The following TENM4 variants were observed in gnomAD, a reference collection of about 807,000 sequenced individuals.
The protein encoded by TENM4 is teneurin transmembrane protein 4, also known as teneurin-4.
TENM4 carries 82 observed loss-of-function variants against 243.3 expected under a neutral mutation model. The ratio of observed to expected loss-of-function variants is 0.34; its 90% CI spans 0.28 to 0.40. TENM4 has a LOEUF of 0.40. Among genes scored for constraint, TENM4 ranks in the 10% least tolerant of loss-of-function variants. TENM4 has a pLI of 1.00. For missense variants in TENM4, 3,138 were observed against 3,673.3 expected (o/e 0.85, Z 3.77); for synonymous variants, 1,412 against 1,456.3 (o/e 0.97, Z 0.69).
chr11:78,752,234 C>A (rs1856206489), intron 19 of TENM4, among the ~76,000 whole-genome samples: 1 of 152,206 alleles, frequency 6.6e-6, no homozygotes, highest in Non-Finnish European at 1.5e-5. Flanking sequence ...AGAGAGGGCC[C>A]CTCAGGGAGG....
chr11:79,220,228 C>T (rs113768442), intron 2 of TENM4, among the ~76,000 whole-genome samples: 5 of 152,308 alleles, frequency 3.3e-5, no homozygotes, highest in African/African-American at 7.2e-5. Context: ...TCCATCAAGA[C>T]GCCTGCTATT....
intron 2 of TENM4, among the ~76,000 whole-genome samples, chr11:79,248,203 C>A (rs1276172526): frequency 6.6e-6 from 1 of 152,158 alleles, no homozygotes; most frequent in Non-Finnish European, 1.5e-5. Context: ...GAGATACCTG[C>A]GCAAAGCTCC....
intron 2 of TENM4, among the ~76,000 whole-genome samples, chr11:79,230,910 C>A (rs1485582334): frequency 6.6e-6 from 1 of 152,158 alleles, no homozygotes; most frequent in African/African-American, 2.4e-5. Flanking sequence ...TTCTGGCTGC[C>A]TAACAAGAGC....
intron 14 of TENM4, among the ~76,000 whole-genome samples, chr11:78,808,714 G>A (rs1857438607): frequency 1.3e-5 from 2 of 152,184 alleles, no homozygotes. Flanking sequence ...GAGCAATGTG[G>A]AGGATTAATG....
intron 24 of TENM4, among the ~76,000 whole-genome samples, chr11:78,721,620 A>G (rs1859654965): frequency 6.6e-6 from 1 of 152,164 alleles, no homozygotes; most frequent in Non-Finnish European, 1.5e-5. Flanking sequence ...TTCATTTACC[A>G]AAGGGGAATA....
chr11:78,949,373 G>A (rs2136485078), intron 6 of TENM4, among the ~76,000 whole-genome samples: 1 of 152,316 alleles, frequency 6.6e-6, no homozygotes, highest in Admixed American at 6.5e-5. Flanking sequence ...AGAAATCTTT[G>A]TGTAATGAAT....
Position 78,729,521 on chromosome 11 carries a change from G to A in TENM4, c.3261C>T (p.Asn1087=). Reference sequence around the variant, plus strand: ...CTACCATGAGGTGCACCTTCATGAGGTTGAAGGGGATGGTCGGGTGGGTGA... The same window carrying A: ...CTACCATGAGGTGCACCTTCATGAGATTGAAGGGGATGGTCGGGTGGGTGA... The part of the protein sequence containing the change: ...ISLTHPTIPF[N]LMKVHLMVAV... Residue 1087 remains asparagine (N), a synonymous_variant, in exon 22 of 34, where the codon AAC becomes AAT. Coordinates refer to ENST00000278550, the MANE Select transcript of TENM4 (RefSeq NM_001098816.3). The A allele has an allele frequency of 1.2e-6, 2 of 1,613,998 alleles. No homozygotes were observed. The highest frequency in any genetic ancestry group is 2.2e-5 in the South Asian group (2 of 91,076).
chr11:78,952,334 G>A (rs1591157867), intron 6 of TENM4, among the ~76,000 whole-genome samples: 1 of 152,234 alleles, frequency 6.6e-6, no homozygotes, highest in South Asian at 2.1e-4. Context: ...CTCGAGGAAG[G>A]ATAGGGCTCT....
chr11:78,852,064 C>G (rs929181121), intron 12 of TENM4, among the ~76,000 whole-genome samples: 1 of 152,210 alleles, frequency 6.6e-6, no homozygotes, highest in Admixed American at 6.5e-5. Context: ...ATTCACTGCA[C>G]GACACTGCAC....
At chr11:79,232,727 G>A (rs573163828) in intron 2 of TENM4, among the ~76,000 whole-genome samples, 1 of 152,314 alleles carries the variant, frequency 6.6e-6, no homozygotes, top group South Asian at 2.1e-4. Flanking sequence ...AACTCTTGTG[G>A]GTGAGCAGTG....
chr11:79,342,247 A>G (rs985775393), intron 1 of TENM4, among the ~76,000 whole-genome samples: 2 of 152,210 alleles, frequency 1.3e-5, no homozygotes, highest in Non-Finnish European at 2.9e-5. Context: ...AGGAGAGTTG[A>G]CCAGAGAAGC....
intron 2 of TENM4, among the ~76,000 whole-genome samples, chr11:79,233,648 G>A (rs538172752): frequency 1.3e-5 from 2 of 152,240 alleles, no homozygotes; most frequent in South Asian, 2.1e-4. Flanking sequence ...GGGGCAAGGC[G>A]GGGGGCTGTG....
chr11:78,805,277 T>TCCCCACCCACCCCACCCCC lies in TENM4; in HGVS notation c.2179+14_2179+15insGGGGGTGGGGTGGGTGGGG. ...CCCCTCCCTCTACCCATGCTTCTTC[T>TCCCCACCCACCCCACCCCC]CCCCCTGCATTTACCGATAGAACAG... is the stretch of plus-strand genomic sequence containing the variant. On this transcript the variant is annotated intron_variant, in intron 15 of 33. Coordinates refer to ENST00000278550, the MANE Select transcript of TENM4 (RefSeq NM_001098816.3). The TCCCCACCCACCCCACCCCC allele has an allele frequency of 3.6e-6, 5 of 1,402,546 alleles. No individual in the cohort carries two copies. The highest frequency in any genetic ancestry group is 4.8e-6 in the Non-Finnish European group (5 of 1,033,114). The allele number at this position is 1,402,546 out of a possible 1,614,324, so 86.9% of individuals were successfully genotyped here. A position where few individuals can be genotyped will look rare whatever the true frequency, so the allele number is the denominator to read the frequency against.
intron 3 of TENM4, among the ~76,000 whole-genome samples, chr11:79,179,562 T>C (rs1296362416): frequency 6.9e-6 from 1 of 145,506 alleles, no homozygotes; most frequent in Non-Finnish European, 1.6e-5. Flanking sequence ...TTTGAACATC[T>C]CTCTCTTTTT....
At chr11:79,080,953 C>T (rs938717804) in intron 4 of TENM4, among the ~76,000 whole-genome samples, 1 of 152,208 alleles carries the variant, frequency 6.6e-6, no homozygotes, top group Non-Finnish European at 1.5e-5. Flanking sequence ...ATTAATCACA[C>T]GTCCCCTACT....
At chr11:79,155,689 C>T (rs1862598258) in intron 3 of TENM4, among the ~76,000 whole-genome samples, 1 of 132,702 alleles carries the variant, frequency 7.5e-6, no homozygotes, top group Non-Finnish European at 1.6e-5. Context: ...CCTCCCTCTC[C>T]CCCTCCCCTC....
chr11:78,763,029 A>ATATC (rs556288893), intron 18 of TENM4, among the ~76,000 whole-genome samples: 39 of 152,336 alleles, frequency 2.6e-4, no homozygotes, highest in African/African-American at 8.9e-4. Context: ...ACTTAATTAT[A>ATATC]TATCATACGT....
chr11:79,396,797 T>C (rs939128236), intron 1 of TENM4, among the ~76,000 whole-genome samples: 5 of 152,212 alleles, frequency 3.3e-5, no homozygotes, highest in African/African-American at 1.2e-4. Context: ...ATAGGACCAT[T>C]TAGTCTCTCA....
At chr11:79,300,105 T>C (rs1054203390) in intron 1 of TENM4, among the ~76,000 whole-genome samples, 1 of 152,246 alleles carries the variant, frequency 6.6e-6, no homozygotes, top group Non-Finnish European at 1.5e-5. Context: ...GCAACACTTC[T>C]TGCAGACTCT....
Sources: allele counts gnomAD v4.1 joint callset (sites outside exome capture counted in the v4.1 genomes callset), GRCh38; gene constraint gnomAD v4.1.1; transcripts MANE v1.5; gene names NCBI Gene and HGNC (gene_info 2026-07-23, HGNC 2026-07-21).